MMP20: variants seen among roughly 807,000 people sequenced by gnomAD.
MMP20 encodes matrix metalloproteinase-20.
MMP20 carries 50 observed loss-of-function variants against 51.8 expected under a neutral mutation model. The observed-to-expected ratio is 0.97, with a 90% CI of 0.77 to 1.22. The LOEUF (loss-of-function observed/expected upper bound fraction) is 1.22. Ranked by LOEUF, MMP20 falls within the 50% of genes most tolerant of loss-of-function variation. MMP20 has a pLI of 0.00. For synonymous variants in MMP20, 244 were observed against 216.2 expected (o/e 1.13, Z -1.13); for missense variants, 663 against 601.4 (o/e 1.10, Z -1.07).
At chr11:102,598,022 C>A (rs1202265027) in intron 6 of MMP20, among the ~76,000 whole-genome samples, 1 of 143,850 alleles carries the variant, frequency 7.0e-6, no homozygotes, top group Non-Finnish European at 1.5e-5. Flanking sequence ...CTGCCTCCAC[C>A]TCCCAAAGTG....
At chr11:102,621,284 C>T (rs1267486046) in intron 1 of MMP20, among the ~76,000 whole-genome samples, 1 of 152,244 alleles carries the variant, frequency 6.6e-6, no homozygotes, top group East Asian at 1.9e-4. Context: ...CCTAAACTCG[C>T]TGAGTCACGC....
At chr11:102,592,036 C>T (rs541369943) in intron 8 of MMP20, among the ~76,000 whole-genome samples, 9 of 152,276 alleles carry the variant, frequency 5.9e-5, no homozygotes, top group Middle Eastern at 3.4e-3. Context: ...CTAACATAAA[C>T]GCCCTCATAC....
intron 6 of MMP20, among the ~76,000 whole-genome samples, chr11:102,595,273 G>T (rs1041103222): frequency 6.6e-6 from 1 of 151,990 alleles, no homozygotes; most frequent in Non-Finnish European, 1.5e-5. Flanking sequence ...TTGGACCTTG[G>T]TAAACAGTTT....
chr11:102,600,108 A>G (rs1029113809), intron 6 of MMP20, among the ~76,000 whole-genome samples: 1 of 152,208 alleles, frequency 6.6e-6, no homozygotes, highest in African/African-American at 2.4e-5. Context: ...AACCGCTCTA[A>G]GTAAACACAA....
At chr11:102,624,842 T>C (rs1450241763) in intron 1 of MMP20, among the ~76,000 whole-genome samples, 4 of 152,214 alleles carry the variant, frequency 2.6e-5, no homozygotes, top group South Asian at 4.1e-4. Flanking sequence ...GTGTGGATTA[T>C]GCCTCGGTTT....
intron 2 of MMP20, among the ~76,000 whole-genome samples, chr11:102,613,288 C>G (rs539062659): frequency 6.6e-6 from 1 of 152,280 alleles, no homozygotes; most frequent in East Asian, 1.9e-4. Context: ...CTACCCGAGA[C>G]CTTGGGCTGG....
At chr11:102,586,246 G>A (rs555692028) in intron 8 of MMP20, among the ~76,000 whole-genome samples, 4 of 152,230 alleles carry the variant, frequency 2.6e-5, no homozygotes, top group South Asian at 2.1e-4. Context: ...CAATGTATTG[G>A]TAGAATTTAC....
chr11:102,618,075 T>C (rs1859697361), intron 1 of MMP20, among the ~76,000 whole-genome samples: 1 of 152,164 alleles, frequency 6.6e-6, no homozygotes, highest in African/African-American at 2.4e-5. Context: ...ATCTCTAAAT[T>C]ACTTATAATA....
At chr11:102,622,486 C>A (rs559155178) in intron 1 of MMP20, among the ~76,000 whole-genome samples, 19 of 152,294 alleles carry the variant, frequency 1.2e-4, no homozygotes, top group Non-Finnish European at 1.5e-5. Flanking sequence ...CAGGTCTTCA[C>A]GTGACTGGCT....
intron 8 of MMP20, among the ~76,000 whole-genome samples, chr11:102,584,481 T>C (rs1259388624): frequency 6.6e-6 from 1 of 152,190 alleles, no homozygotes; most frequent in Non-Finnish European, 1.5e-5. Flanking sequence ...GAGTTATTTT[T>C]CTTGTTATTA....
chr11:102,587,615 A>G (rs1019296802), intron 8 of MMP20, among the ~76,000 whole-genome samples: 1 of 151,848 alleles, frequency 6.6e-6, no homozygotes, highest in African/African-American at 2.4e-5. Context: ...TGCTTCATAC[A>G]TTTTTGGGGC....
intron 2 of MMP20, among the ~76,000 whole-genome samples, chr11:102,614,270 T>C (rs1220920804): frequency 6.6e-6 from 1 of 152,220 alleles, no homozygotes; most frequent in Non-Finnish European, 1.5e-5. Context: ...GGTTATGTTG[T>C]AAGAAGTTAT....
chr11:102,579,286 T>C (rs1859165690), intron 8 of MMP20, 144 bp from the exon 9 acceptor site: 1 of 636,430 alleles, frequency 1.6e-6, no homozygotes, highest in African/African-American at 1.9e-5. Context: ...ACACATGCAT[T>C]TATGTTGTTA....
Position 102,579,125 on chromosome 11 carries a change from CT to C in MMP20, c.1264del (p.Arg422GlyfsTer18). 6.2e-7 allele frequency: 1 copy of C among 1,612,616 alleles called. No homozygotes were observed. The highest frequency in any genetic ancestry group is 8.5e-7 in the Non-Finnish European group (1 of 1,178,832). ...DEYYSYDERKRKMEKDYPKNT... is the reference protein window; with the variant it reads ...DEYYSYDERKXKMEKDYPKNT... The stretch of plus-strand genomic sequence containing the variant: ...CTTTGGATAGTCTTTTTCCATTTTC[CT>C]TTTCCTTTCGTCGTAGCTAGAAAAA... On this transcript the variant is annotated frameshift_variant, in exon 9 of 10. Transcript: ENST00000260228. LOFTEE classifies it high-confidence loss of function.
At position 102,606,696 on chromosome 11, in the gene MMP20, G is replaced by T. The variant is rs780874817; in HGVS notation, c.812-20C>A. ...GAGGTCCTAGGATTCAAAATGAGTT[G>T]GTCAAAATGGTAACGGGAATTTGGA... On this transcript the variant is annotated intron_variant, in intron 5 of 9. Coordinates refer to ENST00000260228, the MANE Select transcript of MMP20 (RefSeq NM_004771.4). 6.2e-7 allele frequency: 1 copy of T among 1,613,694 alleles called. No individual in the cohort carries two copies. The highest frequency in any genetic ancestry group is 1.1e-5 in the South Asian group (1 of 91,052).
chr11:102,621,970 A>T (rs893128571), intron 1 of MMP20, among the ~76,000 whole-genome samples: 2 of 152,230 alleles, frequency 1.3e-5, no homozygotes, highest in Admixed American at 6.5e-5. Context: ...AGCATAATTT[A>T]AAAAGTATGT....
chr11:102,582,162 T>A (rs1008609735), intron 8 of MMP20, among the ~76,000 whole-genome samples: 2 of 152,226 alleles, frequency 1.3e-5, no homozygotes, highest in Non-Finnish European at 2.9e-5. Flanking sequence ...ACTCAGGGAC[T>A]GTTTTGATAA....
At chr11:102,595,219 G>A (rs1859367902) in intron 6 of MMP20, among the ~76,000 whole-genome samples, 1 of 152,132 alleles carries the variant, frequency 6.6e-6, no homozygotes, top group Non-Finnish European at 1.5e-5. Flanking sequence ...GAATGACCAT[G>A]TCCATTCCAC....
At chr11:102,601,014 G>C (rs1365269023) in intron 6 of MMP20, among the ~76,000 whole-genome samples, 3 of 151,752 alleles carry the variant, frequency 2.0e-5, no homozygotes, top group Non-Finnish European at 2.9e-5. Flanking sequence ...ACAGAACTAA[G>C]TTATAATTCC....
Sources: gnomAD v4.1 joint callset for allele counts (sites outside exome capture counted in the v4.1 genomes callset) on GRCh38, gnomAD v4.1.1 for gene constraint, MANE v1.5 for transcripts, NCBI Gene and HGNC (gene_info 2026-07-23, HGNC 2026-07-21) for gene names.